ZNF385D: variants seen among roughly 807,000 people sequenced by gnomAD.
The protein encoded by ZNF385D is zinc finger protein 385D, also known as zinc finger protein 659.
ZNF385D carries 15 observed loss-of-function variants against 35.8 expected under a neutral mutation model. That is an observed-to-expected ratio of 0.42 (90% confidence interval 0.28 to 0.64). ZNF385D has a LOEUF of 0.64. Ranked by LOEUF, ZNF385D falls within the 30% of genes least tolerant of loss-of-function variation. The probability of loss-of-function intolerance (pLI) is 0.23; values close to 1 mark genes in which losing one functional copy is unlikely to be tolerated. For missense variants in ZNF385D, 474 were observed against 494.6 expected (o/e 0.96, Z 0.39); for synonymous variants, 212 against 186.8 (o/e 1.13, Z -1.10).
chr3:21,530,210 T>G (rs2061891001), intron 3 of ZNF385D, among the ~76,000 whole-genome samples: 1 of 152,202 alleles, frequency 6.6e-6, no homozygotes, highest in Non-Finnish European at 1.5e-5. Context: ...CTATGCTTTA[T>G]GTACAGTCCT....
intron 3 of ZNF385D, among the ~76,000 whole-genome samples, chr3:22,073,792 C>T (rs1402419971): frequency 6.6e-6 from 1 of 151,828 alleles, no homozygotes; most frequent in African/African-American, 2.4e-5. Flanking sequence ...TAAAAGCATA[C>T]TATTTTTAGA....
chr3:21,703,649 C>G (rs1203874729), intron 1 of ZNF385D, among the ~76,000 whole-genome samples: 1 of 118,270 alleles, frequency 8.5e-6, no homozygotes, highest in South Asian at 2.9e-4. Flanking sequence ...ATAGCTCATG[C>G]TCTTTATCCT....
chr3:22,004,279 A>G (rs541642273), intron 3 of ZNF385D, among the ~76,000 whole-genome samples: 63 of 152,292 alleles, frequency 4.1e-4, no homozygotes, highest in African/African-American at 1.5e-3. Context: ...CATATTCAAA[A>G]AATGACTCAA....
rs570785029 is a variant in ZNF385D at position 22,294,271 on chromosome 3, C to T, written c.106+78179G>A. Among the ~76,000 whole-genome samples the T allele has an allele frequency of 1.3e-3, 205 of 152,120 alleles. 1 individual carries two copies. Among genetic ancestry groups the T allele is most frequent in the Middle Eastern group, 3.4e-3 (1 of 294 alleles). On this transcript the variant is annotated intron_variant, in intron 2 of 5. Coordinates refer to the ZNF385D transcript ENST00000494108. ...TAATAGGAGGTGGATGCAGTTTTAG[C>T]TTCCCCACAATTTGCCTCTCCTATT...
chr3:21,622,384 A>C (rs745379232), intron 2 of ZNF385D, among the ~76,000 whole-genome samples: 1 of 152,130 alleles, frequency 6.6e-6, no homozygotes, highest in Non-Finnish European at 1.5e-5. Context: ...TTTGGTACTG[A>C]ACCTGTCAAA....
intron 2 of ZNF385D, among the ~76,000 whole-genome samples, chr3:22,306,024 A>C (rs760133097): frequency 6.6e-6 from 1 of 152,160 alleles, no homozygotes; most frequent in Non-Finnish European, 1.5e-5. Context: ...TGGAGGGCAA[A>C]TGCTGCCTAC....
At chr3:21,440,940 T>A (rs1701827076) in intron 4 of ZNF385D, among the ~76,000 whole-genome samples, 1 of 152,072 alleles carries the variant, frequency 6.6e-6, no homozygotes, top group South Asian at 2.1e-4. Flanking sequence ...TGACATTGTA[T>A]CTCCCAATGC....
intron 3 of ZNF385D, among the ~76,000 whole-genome samples, chr3:21,995,559 G>A (rs992180586): frequency 1.3e-5 from 2 of 152,054 alleles, no homozygotes; most frequent in Non-Finnish European, 2.9e-5. Context: ...ATGTGCATGA[G>A]TGCTGGTGGC....
rs773855260 is a variant in ZNF385D, at chr3:21,425,682, A to G, written c.674-12T>C. ...TTTGTGCTTAGTACCTGTCAGGAAT[A>G]TTGAAATGAAGGAAGGAAAGGAGGG... On this transcript the variant is annotated splice_polypyrimidine_tract_variant and intron_variant, in intron 5 of 7. Coordinates refer to ENST00000281523, the MANE Select transcript of ZNF385D (RefSeq NM_024697.3). The G allele has an allele frequency of 2.0e-6, 3 of 1,493,738 alleles. No individual in the cohort carries two copies. The highest frequency in any genetic ancestry group is 9.0e-7 in the Non-Finnish European group (1 of 1,112,136). 92.5% of individuals were successfully genotyped at this position (1,493,738 alleles called of 1,614,324 possible).
chr3:22,266,123 T>C (rs1009961160), intron 2 of ZNF385D, among the ~76,000 whole-genome samples: 2 of 151,954 alleles, frequency 1.3e-5, no homozygotes, highest in African/African-American at 4.8e-5. Context: ...TCAACTGGAT[T>C]CTTATTATCA....
intron 3 of ZNF385D, among the ~76,000 whole-genome samples, chr3:21,879,415 G>A (rs1559716864): frequency 6.6e-6 from 1 of 151,882 alleles, no homozygotes; most frequent in Non-Finnish European, 1.5e-5. Context: ...TCTTAATATA[G>A]TTGTTTAGCA....
At chr3:22,283,878 T>C (rs1244515989) in intron 2 of ZNF385D, among the ~76,000 whole-genome samples, 2 of 152,174 alleles carry the variant, frequency 1.3e-5, no homozygotes, top group South Asian at 2.1e-4. Context: ...ACAGGAATAA[T>C]GCATTTCTAG....
At chr3:21,455,021 C>G (rs570377680) in intron 4 of ZNF385D, among the ~76,000 whole-genome samples, 69 of 152,240 alleles carry the variant, frequency 4.5e-4, no homozygotes, top group Non-Finnish European at 7.2e-4. Flanking sequence ...AGGAATCCAA[C>G]TTACAAGGGA....
In ZNF385D at chr3:21,841,210, C is replaced by T. The variant is rs142799413; in HGVS notation, c.326-176182G>A. On this transcript the variant is annotated intron_variant, in intron 3 of 5. Transcript: ENST00000494108. ...GGGCATCCCTACAGACCAGTGATAA[C>T]AGACGTAACTCATTCTCTTTAATAG... Among the ~76,000 whole-genome samples the T allele has an allele frequency of 2.7e-3, 406 of 152,112 alleles. 2 individuals are homozygous for T. Among genetic ancestry groups the T allele is most frequent in the African/African-American group, 9.2e-3 (384 of 41,526 alleles).
intron 3 of ZNF385D, among the ~76,000 whole-genome samples, chr3:22,088,822 A>G (rs904680850): frequency 3.3e-5 from 5 of 152,304 alleles, no homozygotes; most frequent in African/African-American, 9.6e-5. Flanking sequence ...ACAGTGACCA[A>G]TGAGAATTGA....
At chr3:22,236,959 C>T (rs1378304065) in intron 2 of ZNF385D, among the ~76,000 whole-genome samples, 1 of 152,076 alleles carries the variant, frequency 6.6e-6, no homozygotes, top group African/African-American at 2.4e-5. Context: ...GTTGTTTCCA[C>T]CTTTTGGTCA....
chr3:22,188,036 C>G (rs1695756223), intron 2 of ZNF385D, among the ~76,000 whole-genome samples: 1 of 152,104 alleles, frequency 6.6e-6, no homozygotes, highest in South Asian at 2.1e-4. Context: ...CAGTCAATAA[C>G]CTAAACTTCA....
At chr3:22,016,209 G>A (rs752092606) in intron 3 of ZNF385D, among the ~76,000 whole-genome samples, 10 of 151,090 alleles carry the variant, frequency 6.6e-5, no homozygotes, top group Non-Finnish European at 1.0e-4. Flanking sequence ...AATGTCTGGA[G>A]ATGTTTTTGC....
chr3:21,569,069 C>G (rs566644216), intron 2 of ZNF385D, among the ~76,000 whole-genome samples: 1 of 146,220 alleles, frequency 6.8e-6, no homozygotes, highest in South Asian at 2.2e-4. Flanking sequence ...CTGTAGATGT[C>G]TATTAGGTCC....
Sources: gnomAD v4.1 joint callset for allele counts (sites outside exome capture counted in the v4.1 genomes callset) on GRCh38, gnomAD v4.1.1 for gene constraint, MANE v1.5 for transcripts, NCBI Gene and HGNC (gene_info 2026-07-23, HGNC 2026-07-21) for gene names.